The following ACSS3 variants were observed in gnomAD, a reference collection of about 807,000 sequenced individuals.
ACSS3 encodes the protein acyl-CoA synthetase short-chain family member 3, mitochondrial.
Under a neutral mutation model 84.2 loss-of-function variants are expected in ACSS3, and 64 were observed. The ratio of observed to expected loss-of-function variants is 0.76; its 90% confidence interval spans 0.62 to 0.94. ACSS3 has a LOEUF of 0.94. ACSS3 is among the 40% of genes least tolerant of loss of function. ACSS3 has a pLI of 0.00. For missense variants in ACSS3, 815 were observed against 867.6 expected (o/e 0.94, Z 0.76); for synonymous variants, 317 against 310.1 (o/e 1.02, Z -0.23).
chr12:81,126,624 T>C (rs1885114774), intron 2 of ACSS3, among the ~76,000 whole-genome samples: 1 of 152,154 alleles, frequency 6.6e-6, no homozygotes, highest in Non-Finnish European at 1.5e-5. Context: ...TGAGCACATA[T>C]ACATAGGGAA....
intron 9 of ACSS3, among the ~76,000 whole-genome samples, chr12:81,205,755 G>T (rs929432265): frequency 3.3e-5 from 5 of 152,028 alleles, no homozygotes; most frequent in Non-Finnish European, 5.9e-5. Flanking sequence ...CTGTCAGCCT[G>T]CAGTTCTCTA....
intron 13 of ACSS3, among the ~76,000 whole-genome samples, chr12:81,250,307 T>C (rs555976092): frequency 6.6e-6 from 1 of 152,230 alleles, no homozygotes; most frequent in East Asian, 1.9e-4. Context: ...CTTTATGGCA[T>C]TTTAAAAACT....
intron 13 of ACSS3, among the ~76,000 whole-genome samples, chr12:81,252,413 T>C (rs2034182568): frequency 6.6e-6 from 1 of 152,148 alleles, no homozygotes; most frequent in African/African-American, 2.4e-5. Flanking sequence ...TAGCAAATAT[T>C]CATTGAATGA....
intron 9 of ACSS3, among the ~76,000 whole-genome samples, chr12:81,206,398 A>G (rs886406495): frequency 6.6e-6 from 1 of 152,140 alleles, no homozygotes; most frequent in Non-Finnish European, 1.5e-5. Context: ...GTAAAATGCA[A>G]ATAATCTTTC....
chr12:81,084,036 G>A (rs575811964), intron 1 of ACSS3, among the ~76,000 whole-genome samples: 17 of 152,192 alleles, frequency 1.1e-4, no homozygotes, highest in African/African-American at 4.1e-4. Context: ...AGCAACACTC[G>A]GCTGGAACTG....
chr12:81,112,537 T>C (rs1194554731), intron 2 of ACSS3, among the ~76,000 whole-genome samples: 2 of 152,192 alleles, frequency 1.3e-5, no homozygotes, highest in Non-Finnish European at 2.9e-5. Flanking sequence ...TAGCCTGACA[T>C]CAAAGTAGTT....
chr12:81,245,155 T>C (rs2033941442), intron 13 of ACSS3, among the ~76,000 whole-genome samples: 1 of 152,110 alleles, frequency 6.6e-6, no homozygotes, highest in Non-Finnish European at 1.5e-5. Flanking sequence ...TCTTTGTAGA[T>C]TTTTCCCCTC....
At chr12:81,104,994 G>T (rs1593048790) in intron 1 of ACSS3, among the ~76,000 whole-genome samples, 1 of 152,110 alleles carries the variant, frequency 6.6e-6, no homozygotes, top group East Asian at 1.9e-4. Context: ...GTTAAATCAG[G>T]TTATTCAGTA....
chr12:81,118,544 G>T (rs1432813320), intron 2 of ACSS3, among the ~76,000 whole-genome samples: 1 of 151,844 alleles, frequency 6.6e-6, no homozygotes, highest in African/African-American at 2.4e-5. Context: ...AGTAGTGTAG[G>T]TGGAGGCATC....
intron 8 of ACSS3, among the ~76,000 whole-genome samples, chr12:81,184,013 A>G (rs1319262157): frequency 6.6e-6 from 1 of 152,020 alleles, no homozygotes; most frequent in Admixed American, 6.6e-5. Context: ...TACACAGAAC[A>G]TTCTCCAGGA....
chr12:81,118,802 T>C (rs1055164801), intron 2 of ACSS3, among the ~76,000 whole-genome samples: 1 of 152,212 alleles, frequency 6.6e-6, no homozygotes, highest in Admixed American at 6.5e-5. Flanking sequence ...ATTTAGGCAG[T>C]GGGGCCATAA....
intron 1 of ACSS3, among the ~76,000 whole-genome samples, chr12:81,091,482 C>T (rs1455050717): frequency 6.6e-6 from 1 of 151,928 alleles, no homozygotes; most frequent in African/African-American, 2.4e-5. Context: ...AGATCTCCTA[C>T]ATATGTCTAG....
At chr12:81,150,036 A>G (rs756941408) in intron 5 of ACSS3, among the ~76,000 whole-genome samples, 2 of 152,164 alleles carry the variant, frequency 1.3e-5, no homozygotes, top group Admixed American at 6.5e-5. Flanking sequence ...AAATTTGTCA[A>G]CTTATCCTTT....
chr12:81,147,659 G>A (rs181859291), intron 5 of ACSS3, among the ~76,000 whole-genome samples: 218 of 152,268 alleles, frequency 1.4e-3, no homozygotes, highest in Middle Eastern at 6.8e-3. Flanking sequence ...TAGAAAAGGG[G>A]TGGAGGCTTA....
intron 11 of ACSS3, among the ~76,000 whole-genome samples, chr12:81,224,304 C>CTA (rs898707102): frequency 1.4e-4 from 22 of 151,946 alleles, no homozygotes; most frequent in African/African-American, 5.3e-4. Flanking sequence ...TATTCTTTTT[C>CTA]TATAACTTTA....
chr12:81,151,568 A>G (rs887838868), intron 5 of ACSS3: 3 of 289,828 alleles, frequency 1.0e-5, no homozygotes, highest in Admixed American at 4.8e-5. Context: ...TTTGTATTGC[A>G]TGTAATTTTG....
chr12:81,175,532 A>T (rs917445862), intron 8 of ACSS3, among the ~76,000 whole-genome samples: 3 of 151,948 alleles, frequency 2.0e-5, no homozygotes, highest in Non-Finnish European at 4.4e-5. Flanking sequence ...TCCACAGAAC[A>T]CTCCACCCAA....
intron 2 of ACSS3, among the ~76,000 whole-genome samples, chr12:81,113,180 G>T (rs951685950): frequency 1.3e-5 from 2 of 152,074 alleles, no homozygotes; most frequent in African/African-American, 4.8e-5. Context: ...CCGAATAAGG[G>T]TCATGATAGG....
intron 13 of ACSS3, among the ~76,000 whole-genome samples, chr12:81,237,416 C>G (rs933842225): frequency 3.4e-4 from 52 of 151,606 alleles, no homozygotes; most frequent in African/African-American, 1.2e-3. Context: ...GTTTATTTCT[C>G]CATAGTTATA....
Sources: gnomAD v4.1 joint callset for allele counts (sites outside exome capture counted in the v4.1 genomes callset) on GRCh38, gnomAD v4.1.1 for gene constraint, MANE v1.5 for transcripts, NCBI Gene and HGNC (gene_info 2026-07-23, HGNC 2026-07-21) for gene names.